ATP13A3: variants seen among roughly 807,000 people sequenced by gnomAD.
ATP13A3 encodes polyamine-transporting ATPase 13A3.
ATP13A3 carries 59 observed loss-of-function variants against 158.1 expected under a neutral mutation model. The ratio of observed to expected loss-of-function variants is 0.37; its 90% CI spans 0.30 to 0.46. The LOEUF (loss-of-function observed/expected upper bound fraction) is 0.46. Among genes scored for constraint, ATP13A3 ranks in the 20% least tolerant of loss-of-function variants. The pLI is 1.00. For missense variants in ATP13A3, 1,166 were observed against 1,525.2 expected, an observed-to-expected ratio of 0.76 and a Z score of 3.92; for synonymous variants, 491 against 504.3, an observed-to-expected ratio of 0.97 and a Z score of 0.35.
At chr3:194,418,451 A>C (rs1716051716) in intron 31 of ATP13A3, among the ~76,000 whole-genome samples, 1 of 152,200 alleles carries the variant, frequency 6.6e-6, no homozygotes, top group Non-Finnish European at 1.5e-5. Context: ...TAAGTTTTAA[A>C]AAAAAGACAA....
intron 2 of ATP13A3, among the ~76,000 whole-genome samples, chr3:194,471,039 G>A (rs988823041): frequency 2.6e-5 from 4 of 152,148 alleles, no homozygotes; most frequent in African/African-American, 7.2e-5. Flanking sequence ...ATGCCTTCCC[G>A]AAGGAAGACT....
At chr3:194,428,687 C>T (rs987549542) in intron 28 of ATP13A3, among the ~76,000 whole-genome samples, 158 bp downstream of exon 28, 6 of 151,910 alleles carry the variant, frequency 3.9e-5, no homozygotes, top group South Asian at 2.1e-4. Flanking sequence ...AAAAAATTGG[C>T]GCAAGATATA....
chr3:194,464,874 C>A (rs1397190268), intron 2 of ATP13A3, among the ~76,000 whole-genome samples: 1 of 152,114 alleles, frequency 6.6e-6, no homozygotes, highest in Non-Finnish European at 1.5e-5. Context: ...ACCTCAGCCT[C>A]CCAAAATGCT....
chr3:194,411,086 G>C (rs1436952685), intron 33 of ATP13A3, among the ~76,000 whole-genome samples: 2 of 151,550 alleles, frequency 1.3e-5, no homozygotes, highest in East Asian at 3.9e-4. Context: ...AACTGAGGCT[G>C]ACTGCATTCC....
chr3:194,426,257 T>G (rs1313988794), intron 29 of ATP13A3, among the ~76,000 whole-genome samples: 1 of 152,046 alleles, frequency 6.6e-6, no homozygotes, highest in African/African-American at 2.4e-5. Flanking sequence ...CCTACAATCT[T>G]CTAAAAATTT....
chr3:194,420,609 G>A (rs1442594358), intron 30 of ATP13A3, among the ~76,000 whole-genome samples: 2 of 152,058 alleles, frequency 1.3e-5, no homozygotes, highest in Admixed American at 1.3e-4. Flanking sequence ...CTGACCTTAT[G>A]GCTTGCTATG....
chr3:194,493,987 A>C (rs1721176976), intron 2 of ATP13A3: 1 of 395,246 alleles, frequency 2.5e-6, no homozygotes, highest in South Asian at 1.4e-4. Flanking sequence ...TTCTGCTTAC[A>C]AATTGAGGAA....
chr3:194,409,671 T>C (rs1290689946), intron 33 of ATP13A3, among the ~76,000 whole-genome samples: 1 of 149,992 alleles, frequency 6.7e-6, no homozygotes, highest in African/African-American at 2.5e-5. Context: ...ATAATCTTGC[T>C]TGATAATCAC....
rs149225592 is a variant in ATP13A3 at position 194,453,492 on chromosome 3, G to A, written c.838+214C>T. ...CATGCACCTGTAGTCCCAGCTACTC[G>A]GGAGCCTAAAGTGGGAGGATTACTT... On this transcript the variant is annotated intron_variant, in intron 10 of 33. Transcript: ENST00000645319. 2.7e-3 allele frequency among the ~76,000 whole-genome samples: 407 copies of A among 152,034 alleles called. 14 individuals carry two copies. Among genetic ancestry groups the A allele is most frequent in the Admixed American group, 0.018 (273 of 15,258 alleles).
At chr3:194,411,276 G>A (rs904619839) in intron 33 of ATP13A3, among the ~76,000 whole-genome samples, 10 of 152,118 alleles carry the variant, frequency 6.6e-5, no homozygotes, top group African/African-American at 2.4e-4. Context: ...ACTCAAAAAT[G>A]CCAGGGAGTC....
At chr3:194,411,031 A>C (rs1325767049) in intron 33 of ATP13A3, among the ~76,000 whole-genome samples, 1 of 149,406 alleles carries the variant, frequency 6.7e-6, no homozygotes, top group Non-Finnish European at 1.5e-5. Context: ...AGTCATACGC[A>C]CTACTAGGGA....
chr3:194,425,350 T>C lies in ATP13A3; in HGVS notation c.3305A>G (p.Tyr1102Cys). The change falls in exon 30 of 34, where the codon TAC becomes TGC. Residue 1102 changes from tyrosine (Y) to cysteine (C), a missense_variant. Physicochemically the swap from Tyr to Cys is radical, Grantham distance 194. Transcript: ENST00000645319. ...SKGKPFRQPC[Y>C]KNYFFVFSVI... ...ATAAATGCCAAACTTACAATTTTTGTAGCAAGGTTGCCTGAAGGGTTTTCC... is the reference window on the plus strand; with the variant it reads ...ATAAATGCCAAACTTACAATTTTTGCAGCAAGGTTGCCTGAAGGGTTTTCC... 1.9e-6 allele frequency: 3 copies of C among 1,611,616 alleles called. No homozygotes were observed. The highest frequency in any genetic ancestry group is 1.7e-5 in the Admixed American group (1 of 59,418).
chr3:194,473,278 A>T (rs1256101318), intron 2 of ATP13A3, among the ~76,000 whole-genome samples: 1 of 152,202 alleles, frequency 6.6e-6, no homozygotes, highest in Non-Finnish European at 1.5e-5. Flanking sequence ...GCAATAAAAC[A>T]CAAAACAAAT....
chr3:194,438,772 CTA>C (rs1717840549), intron 17 of ATP13A3, 82 bp downstream of exon 17: 2 of 894,836 alleles, frequency 2.2e-6, no homozygotes. Context: ...GACCTTGTCT[CTA>C]TAAAAAATAA....
At position 194,450,269 on chromosome 3, in the gene ATP13A3, T is replaced by C. The variant is rs1047578197; in HGVS notation, c.846A>G (p.Glu282=). Residue 282 remains glutamate, a synonymous_variant, in exon 11 of 34, where the codon GAA becomes GAG. Transcript: ENST00000645319. ...VSVCRVNEEI[E]EIFSTDLVPG... is the part of the protein sequence containing the mutation. ...GCACAAGGTCGGTAGAAAAGATTTC[T>C]TCTATTTCTGAAATTAAAGAAAGAA... 1 of 1,611,350 alleles carries C rather than the reference T, an allele frequency of 6.2e-7. No individual in the cohort carries two copies. Among genetic ancestry groups the C allele is most frequent in the Non-Finnish European group, 8.5e-7 (1 of 1,178,328 alleles).
At chr3:194,433,620 C>A (rs1243382670) in intron 21 of ATP13A3, 152 bp downstream of exon 21, 9 of 925,498 alleles carry the variant, frequency 9.7e-6, no homozygotes, top group Non-Finnish European at 1.4e-5. Flanking sequence ...AGTTATCTTG[C>A]GCTTGGGAAA....
chr3:194,489,243 A>G (rs1721118366), upstream of ATP13A3, among the ~76,000 whole-genome samples: 1 of 151,562 alleles, frequency 6.6e-6, no homozygotes, highest in African/African-American at 2.4e-5. The surrounding 1 kb of genome is among the most constrained non-coding windows in gnomAD (Gnocchi z 4.1). Flanking sequence ...TCAGGAGTTC[A>G]AGACCAGCCT....
intron 30 of ATP13A3, among the ~76,000 whole-genome samples, chr3:194,421,118 ATATATATATATATATATAG>A (rs1408377818): frequency 4.4e-4 from 27 of 61,830 alleles, no homozygotes; most frequent in African/African-American, 2.6e-3. Flanking sequence ...TAGGGTGTAT[ATATATATATATATATATAG>A]TATATATATA....
At chr3:194,421,255 G>T (rs1716344723) in intron 30 of ATP13A3, among the ~76,000 whole-genome samples, 1 of 135,672 alleles carries the variant, frequency 7.4e-6, no homozygotes, top group Non-Finnish European at 1.5e-5. Flanking sequence ...TGACCAAAAG[G>T]ATTAAAAAAA....
Sources: allele counts gnomAD v4.1 joint callset (sites outside exome capture counted in the v4.1 genomes callset), GRCh38; gene constraint gnomAD v4.1.1; non-coding constraint Gnocchi (gnomAD v3.1); transcripts MANE v1.5; gene names NCBI Gene and HGNC (gene_info 2026-07-23, HGNC 2026-07-21).